LMX1A: variants seen among roughly 807,000 people sequenced by gnomAD.
LMX1A encodes the protein LIM homeobox transcription factor 1 alpha.
Under a neutral mutation model 49.1 loss-of-function variants are expected in LMX1A, and 15 were observed. The ratio of observed to expected loss-of-function variants is 0.31; its 90% CI spans 0.20 to 0.47. The LOEUF is 0.47. Among genes scored for constraint, LMX1A ranks in the 20% least tolerant of loss-of-function variants. The pLI is 1.00. For synonymous variants in LMX1A, 167 were observed against 185.7 expected (o/e 0.90, Z 0.82); for missense variants, 372 against 475.8 (o/e 0.78, Z 2.03).
intron 3 of LMX1A, among the ~76,000 whole-genome samples, chr1:165,293,508 C>T (rs1557875797): frequency 6.6e-6 from 1 of 152,150 alleles, no homozygotes; most frequent in Non-Finnish European, 1.5e-5. Flanking sequence ...TCTCGGCATT[C>T]GAACTAAAAC....
intron 3 of LMX1A, among the ~76,000 whole-genome samples, chr1:165,253,436 A>C (rs983571610): frequency 6.6e-6 from 1 of 152,178 alleles, no homozygotes; most frequent in Admixed American, 6.5e-5. Context: ...TGAGGGTGGA[A>C]TGAAGGGGAA....
chr1:165,292,900 C>G (rs139331246), intron 3 of LMX1A, among the ~76,000 whole-genome samples: 8 of 152,184 alleles, frequency 5.3e-5, no homozygotes, highest in African/African-American at 1.9e-4. Flanking sequence ...GGGCAGATCA[C>G]GAGGTCAGGA....
chr1:165,339,921 C>T (rs1018184086), intron 3 of LMX1A, among the ~76,000 whole-genome samples: 1 of 152,192 alleles, frequency 6.6e-6, no homozygotes, highest in African/African-American at 2.4e-5. Context: ...ACTACCTCAT[C>T]CCAAAGCATC....
chr1:165,277,195 A>G (rs1653995546), intron 3 of LMX1A, among the ~76,000 whole-genome samples: 1 of 152,202 alleles, frequency 6.6e-6, no homozygotes, highest in South Asian at 2.1e-4. Flanking sequence ...CAGCAAGTTT[A>G]CTGGGCTGGT....
intron 6 of LMX1A, among the ~76,000 whole-genome samples, chr1:165,209,599 A>G (rs1222826623): frequency 2.4e-4 from 37 of 152,248 alleles, no homozygotes; most frequent in Admixed American, 2.4e-3. Context: ...GAGAGCTTCC[A>G]GACAGCTGAA....
At chr1:165,227,831 G>GT (rs907192687) in intron 4 of LMX1A, among the ~76,000 whole-genome samples, 5 of 151,948 alleles carry the variant, frequency 3.3e-5, no homozygotes, top group African/African-American at 1.2e-4. Flanking sequence ...CTTGGTTTTT[G>GT]TTTTTTTAAA....
intron 3 of LMX1A, among the ~76,000 whole-genome samples, chr1:165,306,039 C>T (rs1168398477): frequency 2.0e-5 from 3 of 152,150 alleles, no homozygotes; most frequent in Non-Finnish European, 4.4e-5. Flanking sequence ...CCCAGACGTG[C>T]GTACAGAAAA....
chr1:165,297,122 G>A (rs1186526064), intron 3 of LMX1A, among the ~76,000 whole-genome samples: 1 of 152,182 alleles, frequency 6.6e-6, no homozygotes, highest in African/African-American at 2.4e-5. Flanking sequence ...GAACACACTA[G>A]GTCCTAAATG....
chr1:165,326,984 C>T (rs544631599), intron 3 of LMX1A, among the ~76,000 whole-genome samples: 1 of 152,270 alleles, frequency 6.6e-6, no homozygotes, highest in East Asian at 1.9e-4. Context: ...CTTACAATGG[C>T]AATAGTGCTG....
At chr1:165,308,769 G>C (rs1460882338) in intron 3 of LMX1A, among the ~76,000 whole-genome samples, 5 of 151,968 alleles carry the variant, frequency 3.3e-5, no homozygotes, top group African/African-American at 1.2e-4. Context: ...ACTTTTCCTG[G>C]GCCTATTAAT....
intron 8 of LMX1A, 28 bp from the exon 9 acceptor site, chr1:165,204,068 A>T: frequency 1.2e-6 from 2 of 1,611,234 alleles, no homozygotes; most frequent in Non-Finnish European, 1.7e-6. Flanking sequence ...CACTGGCATG[A>T]GGGTCTTGAA....
rs999264088 is a variant in LMX1A, at chr1:165,203,695, C to A, written c.*185G>T. ...CTCTTATTAGAAACATTAAACTATG[C>A]AATCCATAATGTATTCAGTCTTTGG... On this transcript the variant is annotated 3_prime_UTR_variant, in exon 9 of 9. Transcript: ENST00000342310. The A allele has an allele frequency of 2.0e-6, 1 of 510,262 alleles. No individual in the cohort carries two copies. Among genetic ancestry groups the A allele is most frequent in the Non-Finnish European group, 3.5e-6 (1 of 282,518 alleles). 31.6% of individuals were successfully genotyped at this position (510,262 alleles called of 1,614,324 possible).
intron 3 of LMX1A, among the ~76,000 whole-genome samples, chr1:165,340,566 C>T (rs935529537): frequency 6.6e-6 from 1 of 152,174 alleles, no homozygotes; most frequent in Non-Finnish European, 1.5e-5. Flanking sequence ...ACAGAGTCAA[C>T]CTTGGCTCTC....
intron 4 of LMX1A, among the ~76,000 whole-genome samples, chr1:165,238,987 A>G (rs1321257811): frequency 3.3e-5 from 5 of 152,244 alleles, no homozygotes; most frequent in South Asian, 2.1e-4. Context: ...AGAATAATTC[A>G]TGTAAAATGC....
At chr1:165,319,030 C>T (rs1655304046) in intron 3 of LMX1A, among the ~76,000 whole-genome samples, 2 of 142,094 alleles carry the variant, frequency 1.4e-5, no homozygotes, top group African/African-American at 5.2e-5. Context: ...CACACACACA[C>T]ACACACACAC....
chr1:165,232,970 T>A (rs1652286736), intron 4 of LMX1A, among the ~76,000 whole-genome samples: 1 of 152,210 alleles, frequency 6.6e-6, no homozygotes, highest in Non-Finnish European at 1.5e-5. Flanking sequence ...AGGAATAGGA[T>A]GTTGAACGGA....
At chr1:165,328,709 C>T (rs2101750336) in intron 3 of LMX1A, among the ~76,000 whole-genome samples, 2 of 152,300 alleles carry the variant, frequency 1.3e-5, no homozygotes, top group South Asian at 4.1e-4. Flanking sequence ...CCAGTGAGTC[C>T]TAGGTTTCCT....
chr1:165,248,314 C>T (rs1257775330), intron 4 of LMX1A, among the ~76,000 whole-genome samples: 1 of 152,076 alleles, frequency 6.6e-6, no homozygotes, highest in African/African-American at 2.4e-5. Flanking sequence ...ATCAGAAACT[C>T]CCAAAGAGGC....
rs148851212 is a variant in LMX1A, at chr1:165,209,707, T to A, written c.747+992A>T. 9.1e-4 allele frequency among the ~76,000 whole-genome samples: 139 copies of A among 152,354 alleles called. 1 individual carries two copies. The highest frequency in any genetic ancestry group is 3.2e-3 in the African/African-American group (133 of 41,570). ...CCATATGCATCACATTATTCACATCTATTGTAATATCCTTTGTAATAAAGC... is the reference window on the plus strand; with the variant it reads ...CCATATGCATCACATTATTCACATCAATTGTAATATCCTTTGTAATAAAGC... On this transcript the variant is annotated intron_variant, in intron 6 of 8. Transcript: ENST00000342310.
Sources: gnomAD v4.1 joint callset for allele counts (sites outside exome capture counted in the v4.1 genomes callset) on GRCh38, gnomAD v4.1.1 for gene constraint, MANE v1.5 for transcripts, NCBI Gene and HGNC (gene_info 2026-07-23, HGNC 2026-07-21) for gene names.